DIAPH1: variants seen among roughly 807,000 people sequenced by gnomAD.
DIAPH1 encodes the protein protein diaphanous homolog 1.
A neutral mutation model predicts 140.7 loss-of-function variants in DIAPH1; 46 were observed. That is an observed-to-expected ratio of 0.33 (90% CI 0.26 to 0.42). DIAPH1 has a LOEUF of 0.42. Among genes scored for constraint, DIAPH1 ranks in the 10% least tolerant of loss-of-function variants. The pLI is 1.00. For synonymous variants in DIAPH1, 565 were observed against 551.6 expected, an observed-to-expected ratio of 1.02 and a Z score of -0.34; for missense variants, 1,310 against 1,558.7, an observed-to-expected ratio of 0.84 and a Z score of 2.69.
chr5:141,531,966 A>G (rs2099888300), intron 19 of DIAPH1, among the ~76,000 whole-genome samples: 2 of 152,038 alleles, frequency 1.3e-5, no homozygotes, highest in African/African-American at 4.8e-5. Flanking sequence ...AAAATTACAC[A>G]GGATAAAAAG....
intron 27 of DIAPH1, among the ~76,000 whole-genome samples, chr5:141,522,621 G>C (rs921755403): frequency 1.7e-4 from 25 of 148,754 alleles, no homozygotes; most frequent in Admixed American, 1.4e-3. Context: ...ATGTATTTTT[G>C]TAAGGCTAGA....
rs2099895542 is a variant in DIAPH1, at chr5:141,573,737, G to A, written c.2113C>T (p.Pro705Ser). The stretch of plus-strand genomic sequence containing the variant: ...ATTCCTGCTTCTCCAGGCAAGGGAG[G>A]AGGTGGGGGGGGAATTCCAGCACTC... ...PGSAGIPPPP[P>S]PLPGEAGMPP... The change falls in exon 16 of 28, where the codon CCT becomes TCT. Residue 705 changes from proline to serine, a missense_variant. By Grantham distance (74) the Pro-to-Ser change is moderately conservative (BLOSUM62 -1). Transcript: ENST00000389054. 8 of 1,490,344 alleles carry A rather than the reference G, an allele frequency of 5.4e-6. No homozygotes were observed. Among genetic ancestry groups the A allele is most frequent in the Non-Finnish European group, 7.2e-6 (8 of 1,106,010 alleles). The allele number at this position is 1,490,344 out of a possible 1,614,324, so 92.3% of individuals were successfully genotyped here.
intron 18 of DIAPH1, among the ~76,000 whole-genome samples, chr5:141,557,579 G>A (rs574677522): frequency 2.0e-5 from 3 of 151,904 alleles, no homozygotes; most frequent in African/African-American, 7.3e-5. Flanking sequence ...TTTTTTGGGG[G>A]TATCTTTTCT....
chr5:141,613,749 A>G (rs903104481), intron 1 of DIAPH1, among the ~76,000 whole-genome samples: 6 of 152,204 alleles, frequency 3.9e-5, no homozygotes, highest in African/African-American at 1.4e-4. Flanking sequence ...TTCCTTAAAA[A>G]GGGTTTCTTG....
chr5:141,618,731 G>A (rs532270822), intron 1 of DIAPH1, 67 bp downstream of exon 1: 1 of 1,198,808 alleles, frequency 8.3e-7, no homozygotes, highest in Non-Finnish European at 1.2e-6. Context: ...GCGCCCCAGG[G>A]GCCGGCTGCA....
chr5:141,526,211 T>G, intron 25 of DIAPH1, 38 bp from the exon 26 acceptor site: 2 of 1,614,088 alleles, frequency 1.2e-6, no homozygotes, highest in Non-Finnish European at 1.7e-6. Context: ...ACATGGGCAT[T>G]GTATACCTAC....
rs370320637 is a variant in DIAPH1 at position 141,576,199 on chromosome 5, C to T, written c.1461+31G>A. 2.7e-4 allele frequency: 411 copies of T among 1,515,670 alleles called. 7 individuals carry two copies. Among genetic ancestry groups the T allele is most frequent in the South Asian group, 2.5e-3 (226 of 88,932 alleles). 93.9% of individuals were successfully genotyped at this position (1,515,670 alleles called of 1,614,324 possible). A position where few individuals can be genotyped will look rare whatever the true frequency, so the allele number is the denominator to read the frequency against. ...AATAATTCTCAAAGAAAGATATACT[C>T]AAACACATGTCTTTGGTCTCTCATA... On this transcript the variant is annotated intron_variant, in intron 14 of 27. Coordinates refer to ENST00000389054, the MANE Select transcript of DIAPH1 (RefSeq NM_005219.5).
At chr5:141,544,294 G>T (rs1167354220) in intron 18 of DIAPH1, among the ~76,000 whole-genome samples, 3 of 151,960 alleles carry the variant, frequency 2.0e-5, no homozygotes, top group African/African-American at 7.3e-5. Context: ...TGGGCGACAA[G>T]AGTGAGACTC....
chr5:141,571,896 G>C (rs773619558), intron 17 of DIAPH1, 30 bp downstream of exon 17: 5 of 1,462,090 alleles, frequency 3.4e-6, no homozygotes, highest in Non-Finnish European at 4.8e-6. Flanking sequence ...CCCTACACTG[G>C]ACCTTTGCAT....
chr5:141,618,222 AAAG>A (rs1438719118), intron 1 of DIAPH1, among the ~76,000 whole-genome samples: 1 of 152,214 alleles, frequency 6.6e-6, no homozygotes, highest in African/African-American at 2.4e-5. Context: ...ACAAACGTCC[AAAG>A]AAGGAGTTGG....
rs752822974 is a variant in DIAPH1 at position 141,584,107 on chromosome 5, C to G, written c.402+17G>C. 3.9e-6 allele frequency: 6 copies of G among 1,521,162 alleles called. No individual in the cohort carries two copies. In the African/African-American group the frequency reaches 8.2e-5, roughly 21 times the overall value. The allele number at this position is 1,521,162 out of a possible 1,614,324, so 94.2% of individuals were successfully genotyped here. A position where few individuals can be genotyped will look rare whatever the true frequency, so the allele number is the denominator to read the frequency against. ...GGCACAGTCTCCCATGTCATGGGTA[C>G]CTGTCCCAGGACTCACAGCCTTGGA... On this transcript the variant is annotated intron_variant, in intron 4 of 27. Coordinates refer to ENST00000389054, the MANE Select transcript of DIAPH1 (RefSeq NM_005219.5).
intron 27 of DIAPH1, chr5:141,519,112 A>G: frequency 3.1e-6 from 3 of 956,596 alleles, no homozygotes; most frequent in Non-Finnish European, 4.9e-6. Context: ...CATTTATTGG[A>G]TTATGAACAT....
intron 27 of DIAPH1, among the ~76,000 whole-genome samples, chr5:141,521,061 C>T (rs1178221023): frequency 3.3e-5 from 5 of 152,050 alleles, no homozygotes; most frequent in African/African-American, 9.7e-5. Flanking sequence ...CCACCACGCC[C>T]GGCTAATTTT....
At chr5:141,585,115 C>G (rs1409003039) in intron 3 of DIAPH1, among the ~76,000 whole-genome samples, 1 of 152,122 alleles carries the variant, frequency 6.6e-6, no homozygotes, top group East Asian at 1.9e-4. Context: ...CGCCACCACA[C>G]TCAGCTAATT....
chr5:141,559,289 T>C (rs1233491525), intron 18 of DIAPH1, among the ~76,000 whole-genome samples: 1 of 152,200 alleles, frequency 6.6e-6, no homozygotes, highest in East Asian at 1.9e-4. Flanking sequence ...CACTAAGGTA[T>C]ACATTATAGA....
Position 141,526,123 on chromosome 5 carries a change from C to T in DIAPH1, c.3489G>A (p.Arg1163=). 6.2e-7 allele frequency: 1 copy of T among 1,614,116 alleles called. No homozygotes were observed. Among genetic ancestry groups the T allele is most frequent in the Non-Finnish European group, 8.5e-7 (1 of 1,180,032 alleles). ...QKRRETEEKM[R]RAKLAKEKAE... is the part of the protein sequence containing the mutation. ...CCTTCTCCTTGGCTAGTTTTGCTCG[C>T]CTCATCTTTTCTTCTGTCTCCCGCC... is the stretch of plus-strand genomic sequence containing the variant. Residue 1163 remains arginine, a synonymous_variant, in exon 26 of 28, where the codon AGG becomes AGA. Transcript: ENST00000389054.
intron 21 of DIAPH1, 95 bp downstream of exon 21, chr5:141,529,077 A>C (rs1278149885): frequency 8.3e-6 from 13 of 1,564,242 alleles, no homozygotes; most frequent in African/African-American, 4.1e-5. Context: ...GTTCAAAAAC[A>C]GACAAGCGGC....
In DIAPH1 at chr5:141,573,859, G is replaced by A; in HGVS notation, c.1991C>T (p.Pro664Leu). The change falls in exon 16 of 28, where the codon CCT becomes CTT. Residue 664 changes from proline (P) to leucine (L), a missense_variant. Pro to Leu is a moderately conservative substitution (Grantham distance 98). Transcript: ENST00000389054. Reference protein sequence around the residue: ...PPPLPEGVGIPSPSSLPGGTA... With the variant: ...PPPLPEGVGILSPSSLPGGTA... Reference sequence around the variant, plus strand: ...ACCTCCAGGCAAAGAAGAGGGTGAAGGGATGCCAACACCCTCAGGCAAAGG... The same window carrying A: ...ACCTCCAGGCAAAGAAGAGGGTGAAAGGATGCCAACACCCTCAGGCAAAGG... The A allele has an allele frequency of 6.5e-7, 1 of 1,533,130 alleles. No homozygotes were observed. Among genetic ancestry groups the A allele is most frequent in the Non-Finnish European group, 8.8e-7 (1 of 1,138,126 alleles). The allele number at this position is 1,533,130 out of a possible 1,614,324, so 95.0% of individuals were successfully genotyped here.
At chr5:141,547,117 A>G (rs2099890916) in intron 18 of DIAPH1, among the ~76,000 whole-genome samples, 1 of 152,282 alleles carries the variant, frequency 6.6e-6, no homozygotes, top group South Asian at 2.1e-4. Flanking sequence ...TCTGGAATAT[A>G]GAGGAAAAAA....
Sources: allele counts gnomAD v4.1 joint callset (sites outside exome capture counted in the v4.1 genomes callset), GRCh38; gene constraint gnomAD v4.1.1; transcripts MANE v1.5; gene names NCBI Gene and HGNC (gene_info 2026-07-23, HGNC 2026-07-21).